The following IFIH1 variants were observed in gnomAD, a reference collection of about 807,000 sequenced individuals.
IFIH1 encodes interferon induced with helicase C domain 1.
In IFIH1, 125 loss-of-function variants were observed where a neutral mutation model predicts 107.4. The observed-to-expected ratio is 1.16, with a 90% CI of 1.01 to 1.35. The LOEUF (loss-of-function observed/expected upper bound fraction) is 1.35. IFIH1 is among the 40% of genes most tolerant of loss of function. The probability of loss-of-function intolerance (pLI) is 0.00; values close to 1 mark genes in which losing one functional copy is unlikely to be tolerated. For missense variants in IFIH1, 1,333 were observed against 1,213.7 expected (o/e 1.10, Z -1.46); for synonymous variants, 458 against 413.2 (o/e 1.11, Z -1.31).
intron 3 of IFIH1, among the ~76,000 whole-genome samples, chr2:162,300,308 C>T (rs1466932925): frequency 6.6e-6 from 1 of 152,138 alleles, no homozygotes; most frequent in Non-Finnish European, 1.5e-5. Context: ...AAAATCACTG[C>T]TTTTGTTAAA....
intron 2 of IFIH1, among the ~76,000 whole-genome samples, chr2:162,308,420 C>A (rs960964230): frequency 6.7e-6 from 1 of 149,882 alleles, no homozygotes; most frequent in African/African-American, 2.5e-5. Flanking sequence ...TGCTCTGACA[C>A]CCAGGCCAGA....
At chr2:162,282,613 G>A in intron 5 of IFIH1, 37 bp from the exon 6 acceptor site, 2 of 1,413,618 alleles carry the variant, frequency 1.4e-6, no homozygotes, top group Non-Finnish European at 2.0e-6. Context: ...AAGAGAGAAA[G>A]TTAGTCGAAG....
Position 162,267,130 on chromosome 2 carries a change from A to G in IFIH1, c.*70T>C, listed in dbSNP as rs990932072. Reference sequence around the variant, plus strand: ...ATTCTTATGTCAGTTCTGTAGCATAATGAATACATTAATCATAATCATATT... The same window carrying G: ...ATTCTTATGTCAGTTCTGTAGCATAGTGAATACATTAATCATAATCATATT... On this transcript the variant is annotated 3_prime_UTR_variant, in exon 16 of 16. Transcript: ENST00000649979. 3.0e-5 allele frequency: 34 copies of G among 1,124,772 alleles called. No individual in the cohort carries two copies. The highest frequency in any genetic ancestry group is 4.3e-5 in the Non-Finnish European group (34 of 784,044). 69.7% of individuals were successfully genotyped at this position (1,124,772 alleles called of 1,614,324 possible). A position where few individuals can be genotyped will look rare whatever the true frequency, so the allele number is the denominator to read the frequency against.
Position 162,317,986 on chromosome 2 carries a change from C to A in IFIH1, c.322G>T (p.Glu108Ter). ...ELTDLPSPSF[E>*]NAHDEYLQLL... ...TGGAGATATTCATCATGAGCGTTCT[C>A]AAACGATGGAGAGGGCAAGTCCGTG... Residue 108 changes from glutamate (E) to a stop codon, truncating the protein, a stop_gained, in exon 1 of 16, where the codon GAG (glutamate) becomes TAG (stop). Transcript: ENST00000649979. LOFTEE classifies it high-confidence loss of function. 7.4e-6 allele frequency: 12 copies of A among 1,614,186 alleles called. No individual in the cohort carries two copies. The highest frequency in any genetic ancestry group is 1.0e-5 in the Non-Finnish European group (12 of 1,180,022).
At chr2:162,267,640 T>TGGACCTGGAGCTCATC in intron 14 of IFIH1, 71 bp from the exon 15 acceptor site, 1 of 1,122,254 alleles carries the variant, frequency 8.9e-7, no homozygotes. Context: ...CATGGGTTAT[T>TGGACCTGGAGCTCATC]GGACCTGGAG....
intron 4 of IFIH1, among the ~76,000 whole-genome samples, chr2:162,291,263 C>T (rs1203144763): frequency 1.3e-5 from 2 of 151,754 alleles, no homozygotes; most frequent in Non-Finnish European, 2.9e-5. Flanking sequence ...ATTTTGACAG[C>T]TGAGTTATTC....
intron 3 of IFIH1, among the ~76,000 whole-genome samples, chr2:162,302,864 T>C (rs1392848550): frequency 6.6e-6 from 1 of 152,218 alleles, no homozygotes; most frequent in Non-Finnish European, 1.5e-5. Flanking sequence ...ACTAACCTGC[T>C]TTCAAATCCA....
intron 2 of IFIH1, among the ~76,000 whole-genome samples, chr2:162,308,832 T>TTCATC (rs751116005): frequency 6.6e-6 from 1 of 152,202 alleles, no homozygotes; most frequent in Non-Finnish European, 1.5e-5. Flanking sequence ...ACAAAATACA[T>TTCATC]TCATCTCATC....
Position 162,282,520 on chromosome 2 carries a change from C to T in IFIH1, c.1152G>A (p.Trp384Ter), listed in dbSNP as rs199917968. Reference protein sequence around the residue: ...RKEFQPFLKKWYRVIGLSGDT... With the variant: ...RKEFQPFLKK ...CACCACTTAATCCAATAACACGATA[C>T]CATTTCTTCAAAAATGGTTGGAACT... Residue 384 changes from tryptophan to a stop codon, truncating the protein, a stop_gained, in exon 6 of 16, where the codon TGG becomes TGA. Coordinates refer to ENST00000649979, the MANE Select transcript of IFIH1 (RefSeq NM_022168.4). LOFTEE classifies it high-confidence loss of function. The T allele has an allele frequency of 2.8e-5, 45 of 1,611,596 alleles. No homozygotes were observed. In the Middle Eastern group the frequency reaches 9.9e-4, roughly 36 times the overall value.
At chr2:162,307,232 A>G in intron 2 of IFIH1, 1 of 157,432 alleles carries the variant, frequency 6.4e-6, no homozygotes, top group East Asian at 1.8e-4. Flanking sequence ...AAAAAACAAT[A>G]TAAGCATTAT....
rs1683527970 is a variant in IFIH1, at chr2:162,317,721, G to C, written c.453+134C>G. 1.1e-5 allele frequency: 8 copies of C among 696,484 alleles called. No individual in the cohort carries two copies. The South Asian group carries it at 1.3e-4, about 12-fold the overall frequency. The allele number at this position is 696,484 out of a possible 1,614,324, so 43.1% of individuals were successfully genotyped here. A position where few individuals can be genotyped will look rare whatever the true frequency, so the allele number is the denominator to read the frequency against. ...TTTTAAAATTGTCTTAAAGTGCCTA[G>C]ATGTTGTCTTCTCAAAGGAAGAAAC... On this transcript the variant is annotated intron_variant, in intron 1 of 15. Transcript: ENST00000649979.
In IFIH1 at chr2:162,310,936, G is replaced by T; in HGVS notation, c.454-3C>A. ...CCATTGTTTTCTGCAGCAGCAATCT[G>T]TTGTAAGAGAAAATTAGAATTAAGT... On this transcript the variant is annotated splice_polypyrimidine_tract_variant and splice_region_variant and intron_variant, in intron 1 of 15. Coordinates refer to ENST00000649979, the MANE Select transcript of IFIH1 (RefSeq NM_022168.4). 1 of 1,608,982 alleles carries T rather than the reference G, an allele frequency of 6.2e-7. No individual in the cohort carries two copies.
chr2:162,289,037 A>G (rs941828421), intron 4 of IFIH1, among the ~76,000 whole-genome samples: 1 of 151,808 alleles, frequency 6.6e-6, no homozygotes, highest in African/African-American at 2.4e-5. Context: ...GAGTAGAGGA[A>G]AAAACTCTTC....
rs921316880 is a variant in IFIH1 at position 162,318,571 on chromosome 2, G to A, written c.-264C>T. ...GCAGGCAGGTGCGGCCGGCAGGCGCGGCACTTTGGACTCTGCGGTGTGCGC... is the reference window on the plus strand; with the variant it reads ...GCAGGCAGGTGCGGCCGGCAGGCGCAGCACTTTGGACTCTGCGGTGTGCGC... On this transcript the variant is annotated 5_prime_UTR_variant, in exon 1 of 16. Transcript: ENST00000649979. 4.1e-6 allele frequency: 1 copy of A among 241,818 alleles called. No homozygotes were observed. Among genetic ancestry groups the A allele is most frequent in the East Asian group, 9.0e-5 (1 of 11,068 alleles). The allele number at this position is 241,818 out of a possible 1,614,324, so 15.0% of individuals were successfully genotyped here.
chr2:162,281,778 A>G (rs567730952), intron 6 of IFIH1, among the ~76,000 whole-genome samples: 2 of 152,142 alleles, frequency 1.3e-5, no homozygotes, highest in South Asian at 4.1e-4. Flanking sequence ...TCTTTAATAG[A>G]TAAGATTCAG....
chr2:162,284,342 C>T (rs1020828076), intron 5 of IFIH1, among the ~76,000 whole-genome samples: 1 of 151,938 alleles, frequency 6.6e-6, no homozygotes, highest in Admixed American at 6.6e-5. Context: ...CTACTCCAGC[C>T]ACTTACTTCT....
At chr2:162,274,786 G>A (rs757447928) in intron 11 of IFIH1, among the ~76,000 whole-genome samples, 1 of 152,092 alleles carries the variant, frequency 6.6e-6, no homozygotes, top group Non-Finnish European at 1.5e-5. Flanking sequence ...AAAGCTGTTG[G>A]TCCAGTTGGC....
intron 6 of IFIH1, 86 bp from the exon 7 acceptor site, chr2:162,281,631 T>G (rs755700755): frequency 2.7e-5 from 25 of 940,804 alleles, no homozygotes; most frequent in Non-Finnish European, 3.5e-5. Flanking sequence ...TGAGCTGCCT[T>G]GGGGATGCCT....
chr2:162,296,102 T>C (rs1683080575), intron 3 of IFIH1, among the ~76,000 whole-genome samples: 1 of 152,104 alleles, frequency 6.6e-6, no homozygotes, highest in African/African-American at 2.4e-5. Context: ...TTATATTTGA[T>C]TTCCACTTCA....
Sources: allele counts gnomAD v4.1 joint callset (sites outside exome capture counted in the v4.1 genomes callset), GRCh38; gene constraint gnomAD v4.1.1; transcripts MANE v1.5; gene names NCBI Gene and HGNC (gene_info 2026-07-23, HGNC 2026-07-21).